Variants in HERC2 observed in about 807,000 individuals in gnomAD.
HERC2 encodes HECT and RLD domain containing E3 ubiquitin protein ligase 2, also known as E3 ubiquitin-protein ligase HERC2.
In HERC2, 102 loss-of-function variants were observed where a neutral mutation model predicts 537.7. That is an observed-to-expected ratio of 0.19 (90% CI 0.16 to 0.22). The LOEUF (loss-of-function observed/expected upper bound fraction) is 0.22. Ranked by LOEUF, HERC2 falls within the 10% of genes least tolerant of loss-of-function variation. The pLI, the probability that HERC2 is intolerant of heterozygous loss-of-function variation, is 1.00. For missense variants in HERC2, 4,236 were observed against 6,198.2 expected (o/e 0.68, Z 10.63); for synonymous variants, 2,224 against 2,466.2 (o/e 0.90, Z 2.91).
intron 2 of HERC2, among the ~76,000 whole-genome samples, chr15:28,303,644 C>G (rs2076696127): frequency 1.3e-5 from 2 of 152,148 alleles, no homozygotes; most frequent in East Asian, 1.9e-4. Context: ...TTGGGTAGTA[C>G]AGACATTTTA....
Position 28,130,678 on chromosome 15 carries a change from T to C in HERC2, c.12571-84A>G. On this transcript the variant is annotated intron_variant, in intron 81 of 92. Coordinates refer to ENST00000261609, the MANE Select transcript of HERC2 (RefSeq NM_004667.6). ...AACCACACTGAGATTTAACTAAATC[T>C]AGTAAGAATTCTGAAAACTTGTACC... 4 of 955,102 alleles carry C rather than the reference T, an allele frequency of 4.2e-6. No homozygotes were observed. In the South Asian group the frequency reaches 5.3e-5, roughly 13 times the overall value. The allele number at this position is 955,102 out of a possible 1,614,324, so 59.2% of individuals were successfully genotyped here. A position where few individuals can be genotyped will look rare whatever the true frequency, so the allele number is the denominator to read the frequency against.
intron 4 of HERC2, among the ~76,000 whole-genome samples, chr15:28,286,064 C>G (rs943482529): frequency 6.6e-6 from 1 of 151,728 alleles, no homozygotes; most frequent in Admixed American, 6.6e-5. Flanking sequence ...ATTACCAGAC[C>G]CAAATGAACT....
intron 26 of HERC2, among the ~76,000 whole-genome samples, chr15:28,235,970 T>C (rs1902394520): frequency 1.3e-5 from 2 of 152,184 alleles, no homozygotes; most frequent in South Asian, 2.1e-4. Flanking sequence ...AAGGCTGCCA[T>C]CCTGAAATAT....
At position 28,152,721 on chromosome 15, in the gene HERC2, G is replaced by T; in HGVS notation, c.10856C>A (p.Pro3619His). 1 of 1,551,840 alleles carries T rather than the reference G, an allele frequency of 6.4e-7. No homozygotes were observed. Among genetic ancestry groups the T allele is most frequent in the Non-Finnish European group, 8.7e-7 (1 of 1,147,220 alleles). The change falls in exon 70 of 93, where the codon CCT (proline) becomes CAT (histidine). Residue 3619 changes from proline to histidine, a missense_variant. Physicochemically the swap from Pro to His is moderately conservative, Grantham distance 77. Coordinates refer to ENST00000261609, the MANE Select transcript of HERC2 (RefSeq NM_004667.6). Reference sequence around the variant, plus strand: ...ACTGGTGGAGGTGTCGTCGGTGTAAGGGTGGCTACTCTCCACCACCACAGG... The same window carrying T: ...ACTGGTGGAGGTGTCGTCGGTGTAATGGTGGCTACTCTCCACCACCACAGG... ...SQPVVVESSH[P>H]YTDDTSTSGT... is the part of the protein sequence containing the mutation.
intron 86 of HERC2, among the ~76,000 whole-genome samples, chr15:28,120,698 A>G (rs545522947): frequency 1.3e-5 from 2 of 152,354 alleles, no homozygotes; most frequent in Admixed American, 1.3e-4. Context: ...TGGTGGGAAC[A>G]TGAACTGTTA....
At chr15:28,304,847 C>T (rs2076738659) in intron 2 of HERC2, among the ~76,000 whole-genome samples, 2 of 128,238 alleles carry the variant, frequency 1.6e-5, no homozygotes, top group Admixed American at 1.6e-4. Context: ...TCTCCCAATG[C>T]TACCCCTCCC....
At chr15:28,126,305 C>T (rs1300191873) in intron 83 of HERC2, among the ~76,000 whole-genome samples, 1 of 152,118 alleles carries the variant, frequency 6.6e-6, no homozygotes. Flanking sequence ...TTTCCACGCT[C>T]CACTATGGAA....
chr15:28,124,880 G>T, intron 84 of HERC2, 126 bp downstream of exon 84: 1 of 1,008,476 alleles, frequency 9.9e-7, no homozygotes, highest in Non-Finnish European at 1.4e-6. Flanking sequence ...GCACTGTGTG[G>T]TTAACATTTA....
chr15:28,165,018 C>T (rs1334739424), intron 68 of HERC2, among the ~76,000 whole-genome samples: 2 of 152,214 alleles, frequency 1.3e-5, no homozygotes, highest in African/African-American at 4.8e-5. Context: ...AAAGTGTTTG[C>T]CCTCAAGGTG....
At chr15:28,119,510 C>G (rs1888653288) in intron 86 of HERC2, among the ~76,000 whole-genome samples, 1 of 149,190 alleles carries the variant, frequency 6.7e-6, no homozygotes, top group Non-Finnish European at 1.5e-5. Flanking sequence ...CTGGAGTACG[C>G]TGGTATGATC....
chr15:28,311,064 G>C (rs1235605092), intron 2 of HERC2, among the ~76,000 whole-genome samples: 2 of 123,710 alleles, frequency 1.6e-5, no homozygotes, highest in Admixed American at 1.9e-4. Flanking sequence ...GTGACAGAGT[G>C]GGACTGCATC....
At chr15:28,247,168 T>C (rs1903789173) in intron 21 of HERC2, among the ~76,000 whole-genome samples, 1 of 151,986 alleles carries the variant, frequency 6.6e-6, no homozygotes, top group Non-Finnish European at 1.5e-5. Context: ...TTTAAAGATT[T>C]TTTTTTTTAA....
Position 28,143,910 on chromosome 15 carries a change from C to G in HERC2, c.11381G>C (p.Arg3794Thr). 1.2e-6 allele frequency: 2 copies of G among 1,614,118 alleles called. No homozygotes were observed. The highest frequency in any genetic ancestry group is 2.7e-5 in the African/African-American group (2 of 75,018). ...TEFGQSININ[R>T]LLGENDGETR... is the part of the protein sequence containing the mutation. ...TTCCCCATCATTTTCTCCAAGCAGC[C>G]TATTTATGTTAATTGACTGCCCAAA... The change falls in exon 74 of 93, where the codon AGG (arginine) becomes ACG (threonine). Residue 3794 changes from arginine (R) to threonine (T), a missense_variant. By Grantham distance (71) the Arg-to-Thr change is moderately conservative. Around this residue, in one of 27 missense-constraint regions of HERC2, gnomAD observed 109 missense variants for 133.5 expected, o/e 0.82. Coordinates refer to ENST00000261609, the MANE Select transcript of HERC2 (RefSeq NM_004667.6).
Position 28,263,185 on chromosome 15 carries a change from G to A in HERC2, c.1871-16C>T, listed in dbSNP as rs1471022794. On this transcript the variant is annotated splice_polypyrimidine_tract_variant and intron_variant, in intron 14 of 92. Coordinates refer to ENST00000261609, the MANE Select transcript of HERC2 (RefSeq NM_004667.6). Reference sequence around the variant, plus strand: ...CACACTTGCCCTAAAAAATACAAATGCATTTAAATAACAACAACTCTGCAT... The same window carrying A: ...CACACTTGCCCTAAAAAATACAAATACATTTAAATAACAACAACTCTGCAT... 1.9e-6 allele frequency: 3 copies of A among 1,592,610 alleles called. No homozygotes were observed. Among genetic ancestry groups the A allele is most frequent in the African/African-American group, 2.7e-5 (2 of 74,140 alleles).
Position 28,307,487 on chromosome 15 carries a change from T to C in HERC2, c.73-7971A>G, listed in dbSNP as rs181907424. Among the ~76,000 whole-genome samples the C allele has an allele frequency of 1.4e-3, 207 of 152,356 alleles. 1 individual carries two copies. The highest frequency in any genetic ancestry group is 4.7e-3 in the African/African-American group (196 of 41,594). On this transcript the variant is annotated intron_variant, in intron 2 of 92. Transcript: ENST00000261609. Reference sequence around the variant, plus strand: ...ATTTATTTGAAGTTTTTCTACTTTTTTGATTTTCCTCTTAGTACTGCTTTA... The same window carrying C: ...ATTTATTTGAAGTTTTTCTACTTTTCTGATTTTCCTCTTAGTACTGCTTTA...
At chr15:28,278,232 A>C (rs1052921633) in intron 5 of HERC2, among the ~76,000 whole-genome samples, 2 of 152,060 alleles carry the variant, frequency 1.3e-5, no homozygotes, top group African/African-American at 2.4e-5. Context: ...AAAATACAAA[A>C]ATTAGCTAGG....
intron 65 of HERC2, among the ~76,000 whole-genome samples, chr15:28,171,800 T>C (rs1471943899): frequency 2.6e-5 from 4 of 151,916 alleles, no homozygotes; most frequent in African/African-American, 9.7e-5. Flanking sequence ...ATAGACCGGG[T>C]GCGGTGACTC....
chr15:28,311,391 G>A (rs2076941919), intron 2 of HERC2, among the ~76,000 whole-genome samples: 1 of 152,282 alleles, frequency 6.6e-6, no homozygotes, highest in Admixed American at 6.5e-5. Flanking sequence ...CTGAGCCCGG[G>A]GAGGTTAAGG....
At chr15:28,180,081 G>A (rs1042169952) in intron 57 of HERC2, among the ~76,000 whole-genome samples, 5 of 152,120 alleles carry the variant, frequency 3.3e-5, no homozygotes, top group Admixed American at 1.3e-4. Flanking sequence ...TCACTGACTC[G>A]CCCAGAGCAA....
Sources: allele counts gnomAD v4.1 joint callset (sites outside exome capture counted in the v4.1 genomes callset), GRCh38; gene constraint gnomAD v4.1.1; regional missense constraint gnomAD v4.1.1; transcripts MANE v1.5; gene names NCBI Gene and HGNC (gene_info 2026-07-23, HGNC 2026-07-21).